GULP1: variants seen among roughly 807,000 people sequenced by gnomAD.
The protein encoded by GULP1 is PTB domain-containing engulfment adapter protein 1.
Under a neutral mutation model 40.9 loss-of-function variants are expected in GULP1, and 19 were observed. The ratio of observed to expected loss-of-function variants is 0.46; its 90% CI spans 0.32 to 0.68. The LOEUF is 0.68. GULP1 is among the 30% of genes least tolerant of loss of function. The probability of loss-of-function intolerance (pLI) is 0.03; values close to 1 mark genes in which losing one functional copy is unlikely to be tolerated. For missense variants in GULP1, 312 were observed against 362.2 expected, an observed-to-expected ratio of 0.86 and a Z score of 1.12; for synonymous variants, 119 against 117.6, an observed-to-expected ratio of 1.01 and a Z score of -0.08.
intron 2 of GULP1, among the ~76,000 whole-genome samples, chr2:188,439,516 T>C (rs757724402): frequency 1.3e-5 from 2 of 152,138 alleles, no homozygotes; most frequent in Non-Finnish European, 2.9e-5. Context: ...GGAATGGTAA[T>C]TGGCCTTTAA....
In GULP1 at chr2:188,594,708, C is replaced by A. The variant is rs1244848148; in HGVS notation, c.*697C>A. 3 of 151,442 alleles carry A rather than the reference C, an allele frequency of 2.0e-5. No individual in the cohort carries two copies. Among genetic ancestry groups the A allele is most frequent in the Admixed American group, 2.0e-4 (3 of 15,164 alleles). 9.4% of individuals were successfully genotyped at this position (151,442 alleles called of 1,614,324 possible). On this transcript the variant is annotated 3_prime_UTR_variant, in exon 12 of 12. Transcript: ENST00000409830. Reference sequence around the variant, plus strand: ...AAGGTAGTGAAAAAATGAAAATTTGCTATTTATTAAAAAACATTAAATTTC... The same window carrying A: ...AAGGTAGTGAAAAAATGAAAATTTGATATTTATTAAAAAACATTAAATTTC...
intron 2 of GULP1, among the ~76,000 whole-genome samples, chr2:188,432,171 T>G (rs1218213149): frequency 6.6e-6 from 1 of 151,762 alleles, no homozygotes; most frequent in African/African-American, 2.4e-5. Context: ...AAAAATATCT[T>G]CGTATGTATT....
intron 2 of GULP1, among the ~76,000 whole-genome samples, chr2:188,451,907 G>A (rs2058864221): frequency 6.6e-6 from 1 of 152,078 alleles, no homozygotes; most frequent in African/African-American, 2.4e-5. Flanking sequence ...AGGCAAATAT[G>A]GACCTCAATT....
intron 1 of GULP1, among the ~76,000 whole-genome samples, chr2:188,305,905 G>A (rs1443731414): frequency 6.6e-6 from 1 of 152,088 alleles, no homozygotes; most frequent in African/African-American, 2.4e-5. Flanking sequence ...CGTCTCCTGA[G>A]TAACTGGGAT....
chr2:188,443,685 C>CT (rs768289502), intron 2 of GULP1, among the ~76,000 whole-genome samples: 5,817 of 147,064 alleles, frequency 0.04, 228 homozygotes, highest in South Asian at 0.16. Flanking sequence ...AAATGAATTT[C>CT]TTTTCTTTTT....
At chr2:188,349,809 T>C (rs1378211398) in intron 1 of GULP1, among the ~76,000 whole-genome samples, 1 of 152,182 alleles carries the variant, frequency 6.6e-6, no homozygotes, top group Non-Finnish European at 1.5e-5. Flanking sequence ...AAATTATGGC[T>C]ATGTCTTCTT....
At chr2:188,492,331 A>G (rs919621225) in intron 4 of GULP1, among the ~76,000 whole-genome samples, 1 of 152,118 alleles carries the variant, frequency 6.6e-6, no homozygotes, top group Non-Finnish European at 1.5e-5. Flanking sequence ...ACAGAATTAA[A>G]CACATTGCTC....
intron 6 of GULP1, among the ~76,000 whole-genome samples, chr2:188,539,476 G>T (rs1689867186): frequency 6.6e-6 from 1 of 151,960 alleles, no homozygotes; most frequent in Non-Finnish European, 1.5e-5. Context: ...TATGATCATT[G>T]TCCATCGATG....
intron 2 of GULP1, among the ~76,000 whole-genome samples, chr2:188,417,537 GT>G (rs1447306163): frequency 6.6e-6 from 1 of 152,138 alleles, no homozygotes; most frequent in Non-Finnish European, 1.5e-5. Flanking sequence ...TAGAAAAGTG[GT>G]TTATGTTTGT....
chr2:188,570,475 C>T (rs1271541850), intron 9 of GULP1, among the ~76,000 whole-genome samples: 1 of 152,146 alleles, frequency 6.6e-6, no homozygotes, highest in Non-Finnish European at 1.5e-5. Context: ...CCAGTCTCCC[C>T]TTGAAGTGCT....
intron 7 of GULP1, among the ~76,000 whole-genome samples, chr2:188,545,231 A>G (rs1249449227): frequency 6.6e-6 from 1 of 151,888 alleles, no homozygotes; most frequent in Non-Finnish European, 1.5e-5. Context: ...ATGAATGGCT[A>G]AAGGAAGTTC....
chr2:188,386,919 T>G (rs1377894795), intron 2 of GULP1, among the ~76,000 whole-genome samples: 1 of 152,176 alleles, frequency 6.6e-6, no homozygotes, highest in East Asian at 1.9e-4. Context: ...TATATTCCCT[T>G]ACATAACTAA....
chr2:188,547,972 A>T (rs995229550), intron 7 of GULP1, among the ~76,000 whole-genome samples: 2 of 152,182 alleles, frequency 1.3e-5, no homozygotes, highest in Non-Finnish European at 2.9e-5. Context: ...TAGGAATGGA[A>T]AGAACTTCCT....
intron 9 of GULP1, among the ~76,000 whole-genome samples, chr2:188,576,003 T>TACAC (rs765360843): frequency 7.3e-5 from 11 of 150,314 alleles, no homozygotes; most frequent in Admixed American, 4.0e-4. Context: ...TTGGGGGCAG[T>TACAC]ACACACACAC....
intron 1 of GULP1, among the ~76,000 whole-genome samples, chr2:188,356,443 G>T (rs1574676095): frequency 6.6e-6 from 1 of 151,868 alleles, no homozygotes; most frequent in Non-Finnish European, 1.5e-5. Flanking sequence ...ATTTACAACA[G>T]CTACAAATTA....
chr2:188,402,247 T>C (rs978448775), intron 2 of GULP1, among the ~76,000 whole-genome samples: 2 of 152,160 alleles, frequency 1.3e-5, no homozygotes, highest in Admixed American at 1.3e-4. Context: ...TTGATACTTA[T>C]GTAGGAGGTT....
chr2:188,495,861 G>C (rs377384048), intron 4 of GULP1, among the ~76,000 whole-genome samples: 2 of 151,916 alleles, frequency 1.3e-5, no homozygotes, highest in African/African-American at 4.8e-5. Context: ...AAAAGCTTCC[G>C]TGATTTCAAA....
chr2:188,540,433 A>AATAT (rs143717302), intron 6 of GULP1, among the ~76,000 whole-genome samples: 1 of 148,972 alleles, frequency 6.7e-6, no homozygotes, highest in African/African-American at 2.5e-5. Flanking sequence ...TTTATAATTT[A>AATAT]ATATGTGTGT....
chr2:188,522,438 T>G (rs1345991072), intron 4 of GULP1, among the ~76,000 whole-genome samples: 1 of 152,064 alleles, frequency 6.6e-6, no homozygotes, highest in African/African-American at 2.4e-5. Flanking sequence ...TTACTAAATT[T>G]TAACTGTTGA....
Sources: allele counts gnomAD v4.1 joint callset (sites outside exome capture counted in the v4.1 genomes callset), GRCh38; gene constraint gnomAD v4.1.1; transcripts MANE v1.5; gene names NCBI Gene and HGNC (gene_info 2026-07-23, HGNC 2026-07-21).